The following ZIM2 variants were observed in gnomAD, a reference collection of about 807,000 sequenced individuals.
ZIM2 encodes zinc finger protein 656.
Under a neutral mutation model 38.6 loss-of-function variants are expected in ZIM2, and 14 were observed. That is an observed-to-expected ratio of 0.36 (90% CI 0.24 to 0.57). The LOEUF (loss-of-function observed/expected upper bound fraction) is 0.57. Ranked by LOEUF, ZIM2 falls within the 20% of genes least tolerant of loss-of-function variation. ZIM2 has a pLI of 0.81. For synonymous variants in ZIM2, 247 were observed against 245.8 expected (o/e 1.00, Z -0.04); for missense variants, 680 against 695.1 (o/e 0.98, Z 0.24).
At chr19:56,820,931 T>C (rs2060424121) in intron 7 of ZIM2, among the ~76,000 whole-genome samples, 1 of 152,074 alleles carries the variant, frequency 6.6e-6, no homozygotes, top group South Asian at 2.1e-4. Flanking sequence ...GTCCAGTCAG[T>C]GCTGGGGTCC....
intron 9 of ZIM2, among the ~76,000 whole-genome samples, chr19:56,806,908 T>C (rs1199040752): frequency 4.6e-5 from 7 of 151,428 alleles, no homozygotes; most frequent in Admixed American, 1.3e-4. Flanking sequence ...GGCACCTTGA[T>C]CTTGGACTTC....
intron 9 of ZIM2, among the ~76,000 whole-genome samples, chr19:56,801,379 T>C (rs2047519015): frequency 1.3e-5 from 2 of 152,194 alleles, no homozygotes; most frequent in Non-Finnish European, 2.9e-5. Context: ...CAGACTCTGC[T>C]GAGGGACTCA....
intron 9 of ZIM2, chr19:56,815,385 G>A (rs756262819): frequency 5.6e-6 from 9 of 1,614,040 alleles, no homozygotes; most frequent in East Asian, 2.2e-5. Context: ...GCTCTTGGGC[G>A]TAACTTGTTT....
intron 9 of ZIM2, among the ~76,000 whole-genome samples, chr19:56,809,553 GACA>G (rs2047957655): frequency 1.3e-5 from 2 of 152,120 alleles, no homozygotes; most frequent in Admixed American, 1.3e-4. Context: ...TCTCAGGGAT[GACA>G]ATCTACTGAA....
At chr19:56,817,924 C>A in intron 8 of ZIM2, 86 bp from the exon 9 acceptor site, 2 of 1,046,384 alleles carry the variant, frequency 1.9e-6, no homozygotes, top group Non-Finnish European at 2.9e-6. Flanking sequence ...TTTCACTGAG[C>A]CACTAAATAT....
chr19:56,787,286 T>G (rs1003889737), intron 10 of ZIM2, among the ~76,000 whole-genome samples: 1 of 152,192 alleles, frequency 6.6e-6, no homozygotes, highest in African/African-American at 2.4e-5. Flanking sequence ...TGGTTTTGTT[T>G]TTGTTTTTTG....
chr19:56,788,081 GTT>G (rs1250072054), intron 10 of ZIM2, among the ~76,000 whole-genome samples: 2 of 142,206 alleles, frequency 1.4e-5, no homozygotes, highest in Non-Finnish European at 1.5e-5. Flanking sequence ...TTTTTGAAGG[GTT>G]TTTTTTTTTG....
intron 10 of ZIM2, among the ~76,000 whole-genome samples, chr19:56,785,940 TCA>T (rs915865901): frequency 1.2e-4 from 19 of 152,280 alleles, no homozygotes; most frequent in African/African-American, 4.3e-4. Flanking sequence ...TTAAGCATAT[TCA>T]CAGAGTTGTG....
intron 10 of ZIM2, among the ~76,000 whole-genome samples, chr19:56,784,419 A>G (rs2046488509): frequency 6.6e-6 from 1 of 152,236 alleles, no homozygotes; most frequent in African/African-American, 2.4e-5. Flanking sequence ...GTATAAGAAA[A>G]TTGAATTTAG....
chr19:56,779,501 G>A, intron 11 of ZIM2, 29 bp from the exon 12 acceptor site: 3 of 1,608,574 alleles, frequency 1.9e-6, no homozygotes, highest in Middle Eastern at 1.7e-4. Context: ...GAGAACTCAG[G>A]GTTTCAGTAA....
At chr19:56,778,922 T>C (rs2046170055) in intron 12 of ZIM2, among the ~76,000 whole-genome samples, 1 of 151,978 alleles carries the variant, frequency 6.6e-6, no homozygotes, top group Non-Finnish European at 1.5e-5. Flanking sequence ...AGAGCGTATA[T>C]GTGTGTCTGA....
chr19:56,811,948 T>G (rs2059568352), intron 9 of ZIM2: 12 of 985,388 alleles, frequency 1.2e-5, no homozygotes, highest in Non-Finnish European at 1.4e-5. Context: ...TTCTGCTTCT[T>G]GCTCTCAGCT....
chr19:56,838,783 C>T (rs936519972), intron 1 of ZIM2, among the ~76,000 whole-genome samples: 1 of 152,214 alleles, frequency 6.6e-6, no homozygotes, highest in Non-Finnish European at 1.5e-5. Flanking sequence ...ACACACAGCC[C>T]AAGGAGCGCG....
At chr19:56,805,401 T>G (rs989977662) in intron 9 of ZIM2, among the ~76,000 whole-genome samples, 1 of 152,140 alleles carries the variant, frequency 6.6e-6, no homozygotes, top group South Asian at 2.1e-4. Context: ...CATCCCCCAG[T>G]TGTGGATTGG....
rs776635178 is a variant in ZIM2 at position 56,776,930 on chromosome 19, C to T, written c.836-1401G>A. Reference sequence around the variant, plus strand: ...AAACACAGGATCTTAGTTGCAAGATCTGTAGATGAGGCTGGGATGCAAATT... The same window carrying T: ...AAACACAGGATCTTAGTTGCAAGATTTGTAGATGAGGCTGGGATGCAAATT... On this transcript the variant is annotated intron_variant, in intron 12 of 12. Transcript: ENST00000629319. 5.9e-5 allele frequency among the ~76,000 whole-genome samples: 9 copies of T among 152,254 alleles called. No homozygotes were observed. The South Asian group carries it at 1.2e-3, about 21-fold the overall frequency.
intron 9 of ZIM2, among the ~76,000 whole-genome samples, chr19:56,809,557 A>G (rs2047958076): frequency 6.6e-6 from 1 of 152,150 alleles, no homozygotes; most frequent in Non-Finnish European, 1.5e-5. Flanking sequence ...AGGGATGACA[A>G]TCTACTGAAT....
chr19:56,784,865 A>G (rs2046516004), intron 10 of ZIM2, among the ~76,000 whole-genome samples: 1 of 152,232 alleles, frequency 6.6e-6, no homozygotes, highest in Non-Finnish European at 1.5e-5. Context: ...AGAACATTAC[A>G]TAAGACTCTG....
chr19:56,811,717 T>A, intron 9 of ZIM2: 1 of 985,550 alleles, frequency 1.0e-6, no homozygotes, highest in Non-Finnish European at 1.2e-6. Context: ...CCCTCAGCTT[T>A]CCCGATGTCC....
At chr19:56,785,125 A>G (rs2046527745) in intron 10 of ZIM2, among the ~76,000 whole-genome samples, 1 of 152,184 alleles carries the variant, frequency 6.6e-6, no homozygotes, top group South Asian at 2.1e-4. Context: ...AGCATTAGAA[A>G]ATCTGGGGAC....
Sources: allele counts gnomAD v4.1 joint callset (sites outside exome capture counted in the v4.1 genomes callset), GRCh38; gene constraint gnomAD v4.1.1; transcripts MANE v1.5; gene names NCBI Gene and HGNC (gene_info 2026-07-23, HGNC 2026-07-21).